The following CAMK1 variants were observed in gnomAD, a reference collection of about 807,000 sequenced individuals.
CAMK1 encodes the protein calcium/calmodulin dependent protein kinase I, also known as calcium/calmodulin-dependent protein kinase type 1.
CAMK1 carries 39 observed loss-of-function variants against 49.1 expected under a neutral mutation model. The observed-to-expected ratio is 0.79, with a 90% confidence interval of 0.62 to 1.04. CAMK1 has a LOEUF of 1.04. CAMK1 is among the 50% of genes least tolerant of loss of function. The pLI is 0.00. For missense variants in CAMK1, 457 were observed against 472.2 expected, an observed-to-expected ratio of 0.97 and a Z score of 0.30; for synonymous variants, 192 against 185.2, an observed-to-expected ratio of 1.04 and a Z score of -0.30.
At chr3:9,762,810 A>C (rs1335541923) in intron 5 of CAMK1, 104 bp downstream of exon 5, 15 of 1,131,048 alleles carry the variant, frequency 1.3e-5, no homozygotes, top group Non-Finnish European at 1.9e-5. Flanking sequence ...ATGGAAATCC[A>C]AGGCTCAGTG....
At chr3:9,761,791 A>G in intron 5 of CAMK1, 34 bp from the exon 6 acceptor site, 1 of 1,612,170 alleles carries the variant, frequency 6.2e-7, no homozygotes, top group South Asian at 1.1e-5. Flanking sequence ...AGGGGCAATC[A>G]GAGATGGTTA....
chr3:9,761,341 T>TGGAAGGAAGGGAGGGAG (rs544188374), intron 7 of CAMK1, 120 bp downstream of exon 7: 1 of 984,584 alleles, frequency 1.0e-6, no homozygotes, highest in Non-Finnish European at 1.5e-6. Context: ...AATTGATTGG[T>TGGAAGGAAGGGAGGGAG]GGAAGGAAGG....
chr3:9,763,262 G>A (rs2077977226), intron 3 of CAMK1, 49 bp from the exon 4 acceptor site: 9 of 1,611,470 alleles, frequency 5.6e-6, no homozygotes, highest in Admixed American at 1.7e-5. Flanking sequence ...GTGTGCACCT[G>A]TAGTCCAAGC....
At chr3:9,761,381 A>G (rs1035445564) in intron 7 of CAMK1, 80 bp downstream of exon 7, 1 of 1,420,072 alleles carries the variant, frequency 7.0e-7, no homozygotes, top group African/African-American at 1.4e-5. Context: ...GGGCAGAGGG[A>G]GAGCAGAGGA....
chr3:9,766,908 A>T (rs1180846665), intron 2 of CAMK1, among the ~76,000 whole-genome samples: 1 of 152,070 alleles, frequency 6.6e-6, no homozygotes, highest in Non-Finnish European at 1.5e-5. Flanking sequence ...CCGGTGGCCT[A>T]TGGGACAATA....
chr3:9,769,452 A>C (rs187940399), intron 1 of CAMK1, among the ~76,000 whole-genome samples: 1 of 152,090 alleles, frequency 6.6e-6, no homozygotes, highest in Admixed American at 6.5e-5. Flanking sequence ...ACACGTGGAC[A>C]CCCCTCTGGA....
At chr3:9,765,463 GAT>G (rs1193907276) in intron 3 of CAMK1, among the ~76,000 whole-genome samples, 1 of 152,146 alleles carries the variant, frequency 6.6e-6, no homozygotes, top group Non-Finnish European at 1.5e-5. Context: ...CACCAACTGA[GAT>G]ATGTGGGTCC....
chr3:9,760,803 T>A (rs770027995), intron 7 of CAMK1, 35 bp from the exon 8 acceptor site: 2 of 1,612,886 alleles, frequency 1.2e-6, no homozygotes, highest in East Asian at 2.2e-5. Flanking sequence ...ATTTCCACTT[T>A]CGGGTGCCGT....
chr3:9,761,946 G>A (rs947553130), intron 5 of CAMK1, 189 bp from the exon 6 acceptor site: 10 of 720,354 alleles, frequency 1.4e-5, no homozygotes, highest in Non-Finnish European at 2.2e-5. Context: ...AGGCTCAAGA[G>A]GGTGTGGGGG....
In CAMK1 at chr3:9,762,984, C is replaced by A. The variant is rs758368101; in HGVS notation, c.359G>T (p.Arg120Leu). ...AGCATCCAGCACCTGGAAGATGAGGCGGCTGGCGTCCCGCTCCGTGTAGAA... is the reference window on the plus strand; with the variant it reads ...AGCATCCAGCACCTGGAAGATGAGGAGGCTGGCGTCCCGCTCCGTGTAGAA... ...KGFYTERDAS[R>L]LIFQVLDAVK... The change falls in exon 5 of 12, where the codon CGC becomes CTC. Residue 120 changes from arginine (R) to leucine (L), a missense_variant. Arg to Leu is a moderately radical substitution (Grantham distance 102, BLOSUM62 -2). Coordinates refer to ENST00000256460, the MANE Select transcript of CAMK1 (RefSeq NM_003656.5). 1 of 1,614,048 alleles carries A rather than the reference C, an allele frequency of 6.2e-7. No individual in the cohort carries two copies. The highest frequency in any genetic ancestry group is 1.7e-5 in the Admixed American group (1 of 60,020).
In CAMK1 at chr3:9,757,736, C is replaced by T; in HGVS notation, c.1023G>A (p.Val341=). The change falls in exon 11 of 12, where the codon GTG becomes GTA. Residue 341 remains valine, a synonymous_variant. Coordinates refer to ENST00000256460, the MANE Select transcript of CAMK1 (RefSeq NM_003656.5). The surrounding 1 kb of genome is among the most constrained non-coding windows in gnomAD (Gnocchi z 4.5). ...GCAGAGCCCGCTCCTCACCCCCAGC[C>T]ACTGGTGTCAGCAGCTCCCCATGGC... ...TASHGELLTP[V]AGGPAAGCCC... is the part of the protein sequence containing the mutation. 2 of 1,614,192 alleles carry T rather than the reference C, an allele frequency of 1.2e-6. No individual in the cohort carries two copies. The highest frequency in any genetic ancestry group is 2.2e-5 in the South Asian group (2 of 91,088).
chr3:9,762,137 G>A (rs1487027421), intron 5 of CAMK1: 2 of 178,722 alleles, frequency 1.1e-5, no homozygotes, highest in African/African-American at 4.8e-5. Context: ...GAGGCAAAGT[G>A]ACTCACCCAA....
In CAMK1 at chr3:9,759,561, G is replaced by A. The variant is rs1267718385; in HGVS notation, c.839C>T (p.Thr280Ile). 1.2e-6 allele frequency: 2 copies of A among 1,614,050 alleles called. No individual in the cohort carries two copies. Among genetic ancestry groups the A allele is most frequent in the East Asian group, 2.2e-5 (1 of 44,890 alleles). ...CTGGTGGATATTCTTATCTAGAGCT[G>A]TATCTCCTGCAATCCTAGGATGGGG... The part of the protein sequence containing the change: ...ALQHPWIAGD[T>I]ALDKNIHQSV... The change falls in exon 10 of 12, where the codon ACA (threonine) becomes ATA (isoleucine). Residue 280 changes from threonine to isoleucine, a missense_variant. Physicochemically the swap from Thr to Ile is moderately conservative, Grantham distance 89. Coordinates refer to ENST00000256460, the MANE Select transcript of CAMK1 (RefSeq NM_003656.5).
At chr3:9,761,911 A>T in intron 5 of CAMK1, 154 bp from the exon 6 acceptor site, 2 of 1,202,000 alleles carry the variant, frequency 1.7e-6, no homozygotes, top group South Asian at 3.2e-5. Flanking sequence ...AGCTCTCAAG[A>T]AGGCCAAAAA....
intron 2 of CAMK1, among the ~76,000 whole-genome samples, chr3:9,767,193 G>A (rs955002474): frequency 6.6e-6 from 1 of 152,184 alleles, no homozygotes; most frequent in Admixed American, 6.5e-5. Context: ...AGAAGGCACA[G>A]CTCTCTCTGG....
intron 8 of CAMK1, 157 bp from the exon 9 acceptor site, chr3:9,759,907 C>G: frequency 8.4e-7 from 1 of 1,184,004 alleles, no homozygotes; most frequent in East Asian, 2.6e-5. Context: ...CTTCTTCAGG[C>G]CCTCCCACCC....
chr3:9,760,512 G>C, intron 8 of CAMK1, 144 bp downstream of exon 8: 1 of 729,956 alleles, frequency 1.4e-6, no homozygotes, highest in South Asian at 1.7e-5. Flanking sequence ...AGGAAGAAGG[G>C]GTAGGGTGTC....
chr3:9,766,542 A>G (rs964599424), intron 2 of CAMK1: 34 of 543,470 alleles, frequency 6.3e-5, no homozygotes, highest in South Asian at 2.4e-4. Context: ...TACTAAATCA[A>G]TCTGCAGTTT....
Position 9,764,611 on chromosome 3 carries a change from G to GTTTT in CAMK1, c.215+1144_215+1147dup, listed in dbSNP as rs1310854701. Among the ~76,000 whole-genome samples, 117 of 125,110 alleles carry GTTTT rather than the reference G, an allele frequency of 9.4e-4. 13 individuals carry two copies. The highest frequency in any genetic ancestry group is 4.3e-3 in the East Asian group (14 of 3,242). The allele number at this position is 125,110 out of a possible 152,430, so 82.1% of individuals were successfully genotyped here. On this transcript the variant is annotated intron_variant, in intron 3 of 11. Transcript: ENST00000256460. The stretch of plus-strand genomic sequence containing the variant: ...ACAGGCGTGAGCCACTGCGCCTGGC[G>GTTTT]TTTTTGTTTTTTTTTTGTTTTTTTT...
Sources: allele counts gnomAD v4.1 joint callset (sites outside exome capture counted in the v4.1 genomes callset), GRCh38; gene constraint gnomAD v4.1.1; non-coding constraint Gnocchi (gnomAD v3.1); transcripts MANE v1.5; gene names NCBI Gene and HGNC (gene_info 2026-07-23, HGNC 2026-07-21).